Variants in LRRC4C observed in about 807,000 individuals in gnomAD.
LRRC4C encodes leucine rich repeat containing 4C, also known as leucine-rich repeat-containing protein 4C.
LRRC4C carries 5 observed loss-of-function variants against 33.6 expected under a neutral mutation model. The observed-to-expected ratio is 0.15, with a 90% CI of 0.08 to 0.31. LRRC4C has a LOEUF of 0.31. LRRC4C is among the 10% of genes least tolerant of loss of function. The pLI is 1.00. For missense variants in LRRC4C, 560 were observed against 796.7 expected (o/e 0.70, Z 3.58); for synonymous variants, 329 against 302.0 (o/e 1.09, Z -0.93).
rs577819602 is a variant in LRRC4C at position 40,672,683 on chromosome 11, C to T, written c.-406-24405G>A. On this transcript the variant is annotated intron_variant, in intron 2 of 6. Transcript: ENST00000528697. The stretch of plus-strand genomic sequence containing the variant: ...TTCGATATGCCTTAGCCAGTAATCT[C>T]TCATCTTATTCTCGGAGTTTTTGTA... Among the ~76,000 whole-genome samples, 55 of 152,284 alleles carry T rather than the reference C, an allele frequency of 3.6e-4. No homozygotes were observed. The South Asian group carries it at 0.01, about 28-fold the overall frequency.
At chr11:40,522,199 C>A (rs560295963) in intron 3 of LRRC4C, among the ~76,000 whole-genome samples, 1 of 152,224 alleles carries the variant, frequency 6.6e-6, no homozygotes, top group South Asian at 2.1e-4. Context: ...AATTTATATA[C>A]ATATATTTTT....
At chr11:40,453,471 A>C (rs2138105156) in intron 3 of LRRC4C, among the ~76,000 whole-genome samples, 1 of 152,286 alleles carries the variant, frequency 6.6e-6, no homozygotes, top group African/African-American at 2.4e-5. Flanking sequence ...ATATTGAAAG[A>C]AATAATTAAT....
chr11:40,280,055 C>T (rs977995585), intron 4 of LRRC4C, among the ~76,000 whole-genome samples: 3 of 152,146 alleles, frequency 2.0e-5, no homozygotes, highest in African/African-American at 7.2e-5. Flanking sequence ...AGTTTCAGTG[C>T]CAGCCCTGGG....
intron 4 of LRRC4C, among the ~76,000 whole-genome samples, chr11:40,305,535 T>A (rs1944986875): frequency 6.6e-6 from 1 of 152,098 alleles, no homozygotes; most frequent in Non-Finnish European, 1.5e-5. Context: ...GTAGCAAATA[T>A]TCTCAGGTCA....
intron 2 of LRRC4C, among the ~76,000 whole-genome samples, chr11:40,753,433 T>C (rs1260460008): frequency 2.0e-5 from 3 of 150,394 alleles, no homozygotes; most frequent in Non-Finnish European, 3.0e-5. Context: ...AAAAAAAAAA[T>C]ACATAAAAAA....
chr11:40,198,856 A>G (rs866451668), intron 5 of LRRC4C, among the ~76,000 whole-genome samples: 1 of 152,246 alleles, frequency 6.6e-6, no homozygotes, highest in Non-Finnish European at 1.5e-5. Context: ...AACTGATACA[A>G]AAATGTAAAC....
chr11:40,365,109 G>GAAAA (rs200733412), intron 3 of LRRC4C, among the ~76,000 whole-genome samples: 3,551 of 136,606 alleles, frequency 0.026, 128 homozygotes, highest in African/African-American at 0.09. Context: ...GATCCACAAA[G>GAAAA]AAAAAAAAAA....
At chr11:41,022,172 A>G (rs1223469026) in intron 1 of LRRC4C, among the ~76,000 whole-genome samples, 1 of 148,438 alleles carries the variant, frequency 6.7e-6, no homozygotes, top group Non-Finnish European at 1.5e-5. Flanking sequence ...ATATGTATAT[A>G]TCTACTGACA....
At chr11:41,363,174 C>T (rs1402281368) in intron 1 of LRRC4C, among the ~76,000 whole-genome samples, 1 of 152,166 alleles carries the variant, frequency 6.6e-6, no homozygotes, top group African/African-American at 2.4e-5. Context: ...TTTCTCTTTT[C>T]TCTAAGATAA....
intron 1 of LRRC4C, among the ~76,000 whole-genome samples, chr11:41,359,802 TTC>T (rs1952286358): frequency 6.6e-6 from 1 of 152,148 alleles, no homozygotes; most frequent in African/African-American, 2.4e-5. Context: ...GGCTTTGCAA[TTC>T]CATAGCCTGC....
intron 1 of LRRC4C, among the ~76,000 whole-genome samples, chr11:41,283,321 T>C (rs1268084656): frequency 6.6e-6 from 1 of 152,154 alleles, no homozygotes; most frequent in East Asian, 1.9e-4. Context: ...ATTAGGTAAA[T>C]TTTCATTTGA....
At chr11:40,891,832 A>G (rs1371877432) in intron 2 of LRRC4C, among the ~76,000 whole-genome samples, 1 of 152,118 alleles carries the variant, frequency 6.6e-6, no homozygotes, top group East Asian at 1.9e-4. Context: ...CACTGTGGAG[A>G]ACAGTATAGA....
At chr11:40,913,270 A>C (rs1956783259) in intron 2 of LRRC4C, among the ~76,000 whole-genome samples, 1 of 152,190 alleles carries the variant, frequency 6.6e-6, no homozygotes, top group Admixed American at 6.5e-5. Context: ...CACCACACCT[A>C]TTCCAAAATT....
At chr11:40,971,748 G>A (rs1176023790) in intron 1 of LRRC4C, among the ~76,000 whole-genome samples, 3 of 152,136 alleles carry the variant, frequency 2.0e-5, no homozygotes, top group African/African-American at 7.2e-5. Context: ...CTTGAGAGCA[G>A]CCATGAAGTT....
At chr11:40,272,415 A>C (rs1942774321) in intron 4 of LRRC4C, among the ~76,000 whole-genome samples, 1 of 152,132 alleles carries the variant, frequency 6.6e-6, no homozygotes, top group South Asian at 2.1e-4. Flanking sequence ...AAAATAGATA[A>C]TAAGGCAGCT....
At chr11:40,182,393 G>A (rs956896633) in intron 5 of LRRC4C, among the ~76,000 whole-genome samples, 5 of 151,684 alleles carry the variant, frequency 3.3e-5, no homozygotes, top group Admixed American at 1.3e-4. Context: ...GATTCTTCAG[G>A]GTACACATAA....
chr11:40,578,152 T>G (rs868843833), intron 3 of LRRC4C, among the ~76,000 whole-genome samples: 3 of 86,018 alleles, frequency 3.5e-5, no homozygotes, highest in African/African-American at 6.6e-5. Flanking sequence ...TTTTTTTTTT[T>G]TTTTTTTTTT....
At chr11:40,765,081 A>T (rs1949387965) in intron 2 of LRRC4C, among the ~76,000 whole-genome samples, 1 of 152,204 alleles carries the variant, frequency 6.6e-6, no homozygotes, top group Non-Finnish European at 1.5e-5. Context: ...CGACTTCGCC[A>T]AACAAACAAA....
At chr11:41,335,041 ACCACCTGGTAACAC>A in intron 1 of LRRC4C, among the ~76,000 whole-genome samples, 1 of 152,250 alleles carries the variant, frequency 6.6e-6, no homozygotes, top group South Asian at 2.1e-4. Context: ...ACTATACTCC[ACCACCTGGTAACAC>A]CTCCAAACAC....
Sources: gnomAD v4.1 joint callset for allele counts (sites outside exome capture counted in the v4.1 genomes callset) on GRCh38, gnomAD v4.1.1 for gene constraint, MANE v1.5 for transcripts, NCBI Gene and HGNC (gene_info 2026-07-23, HGNC 2026-07-21) for gene names.